The following RCSD1 variants were observed in gnomAD, a reference collection of about 807,000 sequenced individuals.
RCSD1 encodes the protein capZ-interacting protein.
RCSD1 carries 26 observed loss-of-function variants against 42.5 expected under a neutral mutation model. The ratio of observed to expected loss-of-function variants is 0.61; its 90% confidence interval spans 0.45 to 0.85. RCSD1 has a LOEUF of 0.85. Ranked by LOEUF, RCSD1 falls within the 40% of genes least tolerant of loss-of-function variation. The pLI is 0.00. For missense variants in RCSD1, 571 were observed against 528.3 expected, an observed-to-expected ratio of 1.08 and a Z score of -0.79; for synonymous variants, 220 against 212.2, an observed-to-expected ratio of 1.04 and a Z score of -0.32.
intron 6 of RCSD1, among the ~76,000 whole-genome samples, chr1:167,700,518 G>A (rs1659613562): frequency 6.6e-6 from 1 of 152,104 alleles, no homozygotes; most frequent in Non-Finnish European, 1.5e-5. Flanking sequence ...AGGCGTGGTT[G>A]TGGGCGCCTG....
chr1:167,683,872 T>C (rs1361109624), intron 1 of RCSD1, 28 bp from the exon 2 acceptor site: 5 of 1,607,042 alleles, frequency 3.1e-6, no homozygotes, highest in Non-Finnish European at 3.4e-6. Flanking sequence ...ATTTGCTGAT[T>C]AACTGTTTCT....
chr1:167,698,292 G>C (rs1426497400), intron 6 of RCSD1, among the ~76,000 whole-genome samples: 2 of 152,230 alleles, frequency 1.3e-5, no homozygotes, highest in African/African-American at 4.8e-5. Context: ...GCATGAACAA[G>C]GTGGAATAGG....
At chr1:167,643,277 T>G (rs1658053695) in intron 1 of RCSD1, among the ~76,000 whole-genome samples, 1 of 152,192 alleles carries the variant, frequency 6.6e-6, no homozygotes, top group African/African-American at 2.4e-5. Flanking sequence ...GCACTGGCGC[T>G]CTCTGTGCCT....
chr1:167,647,139 A>AAAAAAAAAAG (rs6143472), intron 1 of RCSD1, among the ~76,000 whole-genome samples: 11 of 149,592 alleles, frequency 7.4e-5, no homozygotes, highest in Non-Finnish European at 1.5e-4. Context: ...TCAAAAAAAA[A>AAAAAAAAAAG]GAGAGAGAGA....
chr1:167,633,243 A>T (rs1657748647), intron 1 of RCSD1, among the ~76,000 whole-genome samples: 1 of 152,192 alleles, frequency 6.6e-6, no homozygotes, highest in South Asian at 2.1e-4. Flanking sequence ...AAAGCTCACA[A>T]CCCAATAAAG....
chr1:167,637,034 T>G (rs936134403), intron 1 of RCSD1, among the ~76,000 whole-genome samples: 5 of 152,164 alleles, frequency 3.3e-5, no homozygotes, highest in Non-Finnish European at 5.9e-5. Flanking sequence ...AACAGATTAT[T>G]GCAGAGCAGG....
intron 1 of RCSD1, among the ~76,000 whole-genome samples, chr1:167,642,516 G>T (rs968634442): frequency 6.6e-6 from 1 of 152,228 alleles, no homozygotes; most frequent in Non-Finnish European, 1.5e-5. Context: ...TAGGGGTGCA[G>T]ATATGCAGGA....
chr1:167,680,703 G>C (rs962380982), intron 1 of RCSD1, among the ~76,000 whole-genome samples: 1 of 152,132 alleles, frequency 6.6e-6, no homozygotes, highest in Non-Finnish European at 1.5e-5. Context: ...GAACTCCTGA[G>C]CTCAAGAGAT....
chr1:167,637,438 G>A (rs941072752), intron 1 of RCSD1, among the ~76,000 whole-genome samples: 5 of 152,156 alleles, frequency 3.3e-5, no homozygotes, highest in African/African-American at 7.2e-5. Flanking sequence ...GTATGTGGGC[G>A]TTCAAAAGCT....
intron 5 of RCSD1, among the ~76,000 whole-genome samples, chr1:167,694,644 C>T (rs967122579): frequency 3.9e-5 from 6 of 152,120 alleles, no homozygotes; most frequent in South Asian, 2.1e-4. Context: ...AAAAGCTGAA[C>T]GCAAAAGCTA....
chr1:167,652,716 T>G lies in RCSD1; in HGVS notation c.6+22287T>G, dbSNP rs535180197. On this transcript the variant is annotated intron_variant, in intron 1 of 6. Transcript: ENST00000367854. The stretch of plus-strand genomic sequence containing the variant: ...GCAGGGCACAAAGCATGGGGGATTT[T>G]TTTTTAGCCTTTTTCTTGTTTCATA... Among the ~76,000 whole-genome samples the G allele has an allele frequency of 5.9e-5, 9 of 152,358 alleles. No individual in the cohort carries two copies. In the South Asian group the frequency reaches 1.9e-3, roughly 32 times the overall value.
chr1:167,697,410 A>G lies in RCSD1; in HGVS notation c.786A>G (p.Glu262=). ...CCACAGAGGAAGCCAAGAACGGTGA[A>G]AAGGCCAGGCGGAGTTCAGAGGAGG... The part of the protein sequence containing the change: ...DRATEEAKNG[E]KARRSSEEVD... Residue 262 remains glutamate, a synonymous_variant, in exon 6 of 7, where the codon GAA becomes GAG. Transcript: ENST00000367854. The G allele has an allele frequency of 6.2e-7, 1 of 1,613,440 alleles. No homozygotes were observed. Among genetic ancestry groups the G allele is most frequent in the Non-Finnish European group, 8.5e-7 (1 of 1,179,754 alleles).
Position 167,671,135 on chromosome 1 carries a change from C to CT in RCSD1, c.7-12764dup, listed in dbSNP as rs1658797345. The stretch of plus-strand genomic sequence containing the variant: ...CTCTGATGAATCCCTAGCGCCTGGC[C>CT]TAGGGTCTGGCATGTTGTAGGGTCT... On this transcript the variant is annotated intron_variant, in intron 1 of 6. Transcript: ENST00000367854. Among the ~76,000 whole-genome samples, 4 of 152,300 alleles carry CT rather than the reference C, an allele frequency of 2.6e-5. No homozygotes were observed. In the South Asian group the frequency reaches 8.3e-4, roughly 32 times the overall value.
chr1:167,671,916 C>G (rs900178671), intron 1 of RCSD1, among the ~76,000 whole-genome samples: 1 of 152,196 alleles, frequency 6.6e-6, no homozygotes, highest in Non-Finnish European at 1.5e-5. Context: ...GCAGCTCCCT[C>G]GTGAGAATGA....
chr1:167,670,064 G>T (rs2102220970), intron 1 of RCSD1, among the ~76,000 whole-genome samples: 1 of 152,270 alleles, frequency 6.6e-6, no homozygotes. Context: ...AAGGGTACTT[G>T]TGTGGGCCTC....
At chr1:167,704,415 C>T (rs1659710540) in intron 6 of RCSD1, among the ~76,000 whole-genome samples, 1 of 152,220 alleles carries the variant, frequency 6.6e-6, no homozygotes, top group Admixed American at 6.5e-5. Context: ...AATAACCTCT[C>T]TGTGCCTTCA....
At position 167,697,300 on chromosome 1, in the gene RCSD1, G is replaced by A. The variant is rs757640104; in HGVS notation, c.676G>A (p.Glu226Lys). 6.8e-6 allele frequency: 11 copies of A among 1,614,062 alleles called. No individual in the cohort carries two copies. The South Asian group carries it at 1.2e-4, about 18-fold the overall frequency. ...SPLSSEGAAGEGVRTLGPAEK... is the reference protein window; with the variant it reads ...SPLSSEGAAGKGVRTLGPAEK... ...TTTGTCCAGTGAGGGAGCAGCGGGA[G>A]AGGGAGTGAGAACCCTGGGACCTGC... The change falls in exon 6 of 7, where the codon GAG (glutamate) becomes AAG (lysine). Residue 226 changes from glutamate to lysine, a missense_variant. Physicochemically the swap from Glu to Lys is moderately conservative, Grantham distance 56 (BLOSUM62 1). Coordinates refer to ENST00000367854, the MANE Select transcript of RCSD1 (RefSeq NM_052862.4).
chr1:167,681,395 A>T (rs1448475951), intron 1 of RCSD1, among the ~76,000 whole-genome samples: 4 of 152,196 alleles, frequency 2.6e-5, no homozygotes, highest in Non-Finnish European at 4.4e-5. Context: ...GCTGATGGTG[A>T]CAGGATCTGC....
intron 1 of RCSD1, among the ~76,000 whole-genome samples, chr1:167,648,415 T>C (rs981703274): frequency 6.6e-6 from 1 of 152,182 alleles, no homozygotes; most frequent in Non-Finnish European, 1.5e-5. Flanking sequence ...CTTCCTTCCT[T>C]TTGCAAAGAC....
Sources: gnomAD v4.1 joint callset for allele counts (sites outside exome capture counted in the v4.1 genomes callset) on GRCh38, gnomAD v4.1.1 for gene constraint, MANE v1.5 for transcripts, NCBI Gene and HGNC (gene_info 2026-07-23, HGNC 2026-07-21) for gene names.